Variants in SNX29 observed in about 807,000 individuals in gnomAD.
SNX29 encodes sorting nexin 29, also known as sorting nexin-29.
In SNX29, 78 loss-of-function variants were observed where a neutral mutation model predicts 102.1. The ratio of observed to expected loss-of-function variants is 0.76; its 90% CI spans 0.64 to 0.92. The LOEUF is 0.92. Among genes scored for constraint, SNX29 ranks in the 40% least tolerant of loss-of-function variants. The pLI, the probability that SNX29 is intolerant of heterozygous loss-of-function variation, is 0.00. For synonymous variants in SNX29, 580 were observed against 414.5 expected, an observed-to-expected ratio of 1.40 and a Z score of -4.85; for missense variants, 1,280 against 1,061.7, an observed-to-expected ratio of 1.21 and a Z score of -2.86.
chr16:12,062,377 A>T (rs530213068), intron 9 of SNX29, among the ~76,000 whole-genome samples: 20 of 137,704 alleles, frequency 1.5e-4, no homozygotes, highest in African/African-American at 5.1e-4. Flanking sequence ...ACTCTGTCTC[A>T]AAATAAATAA....
intron 19 of SNX29, among the ~76,000 whole-genome samples, chr16:12,520,342 A>G (rs1172798350): frequency 6.6e-6 from 1 of 152,234 alleles, no homozygotes; most frequent in Non-Finnish European, 1.5e-5. Flanking sequence ...CCTGGTGTAG[A>G]GGAACCCATG....
In SNX29 at chr16:12,570,029, G is replaced by A. The variant is rs1008340439; in HGVS notation, c.*1400G>A. On this transcript the variant is annotated 3_prime_UTR_variant, in exon 21 of 21. Transcript: ENST00000566228. Reference sequence around the variant, plus strand: ...AAATGAGAACTGCCCAGGTGAGCATGGAGCATCTCCTAGGCTCGAGGACAT... The same window carrying A: ...AAATGAGAACTGCCCAGGTGAGCATAGAGCATCTCCTAGGCTCGAGGACAT... 2.2e-5 allele frequency: 8 copies of A among 367,920 alleles called. No individual in the cohort carries two copies. The highest frequency in any genetic ancestry group is 6.3e-5 in the African/African-American group (3 of 47,660). 22.8% of individuals were successfully genotyped at this position (367,920 alleles called of 1,614,324 possible).
intron 20 of SNX29, among the ~76,000 whole-genome samples, chr16:12,537,470 A>G (rs1225827476): frequency 6.7e-6 from 1 of 148,946 alleles, no homozygotes; most frequent in Non-Finnish European, 1.5e-5. Flanking sequence ...CAGCATCCTC[A>G]TCTATAAAAT....
intron 18 of SNX29, among the ~76,000 whole-genome samples, chr16:12,459,138 C>T (rs2086665767): frequency 7.1e-6 from 1 of 141,148 alleles, no homozygotes; most frequent in Middle Eastern, 3.5e-3. Flanking sequence ...TCACTCCCCC[C>T]TCCTCCCCCT....
rs145802640 is a variant in SNX29 at position 12,060,581 on chromosome 16, C to T, written c.1125-947C>T. Among the ~76,000 whole-genome samples the T allele has an allele frequency of 2.7e-3, 405 of 152,310 alleles. 2 individuals are homozygous for T. The highest frequency in any genetic ancestry group is 9.2e-3 in the African/African-American group (381 of 41,572). On this transcript the variant is annotated intron_variant, in intron 8 of 20. Transcript: ENST00000566228. The stretch of plus-strand genomic sequence containing the variant: ...TTGTGCCACTGTACTCCAGTGTGGA[C>T]AACAGAGCAAGACTCCAACTCTAAA...
chr16:12,466,605 C>T (rs950067139), intron 18 of SNX29, among the ~76,000 whole-genome samples: 4 of 152,184 alleles, frequency 2.6e-5, no homozygotes, highest in African/African-American at 9.7e-5. Context: ...TTGTGTCCAC[C>T]ACTCCCTTGA....
chr16:12,432,363 G>C (rs547416401), intron 18 of SNX29, among the ~76,000 whole-genome samples: 1 of 152,346 alleles, frequency 6.6e-6, no homozygotes, highest in East Asian at 1.9e-4. Flanking sequence ...GGTCCAGGCT[G>C]TCACTGTAAA....
intron 20 of SNX29, among the ~76,000 whole-genome samples, chr16:12,536,944 C>G (rs567051108): frequency 3.9e-4 from 60 of 152,118 alleles, no homozygotes; most frequent in Non-Finnish European, 5.1e-4. Flanking sequence ...GCACTGCACT[C>G]CAGCCTAGGC....
intron 15 of SNX29, among the ~76,000 whole-genome samples, chr16:12,311,967 T>G (rs2080570536): frequency 6.6e-6 from 1 of 152,154 alleles, no homozygotes; most frequent in Non-Finnish European, 1.5e-5. Context: ...GGGCCCAGGT[T>G]TCTTCTGCTT....
At chr16:12,261,205 C>G (rs1366421624) in intron 14 of SNX29, among the ~76,000 whole-genome samples, 1 of 127,572 alleles carries the variant, frequency 7.8e-6, no homozygotes, top group Non-Finnish European at 1.6e-5. Context: ...TCTGTGCGTG[C>G]GTCCCTGGCT....
intron 16 of SNX29, among the ~76,000 whole-genome samples, chr16:12,395,814 C>G (rs549238532): frequency 1.1e-4 from 16 of 147,862 alleles, no homozygotes; most frequent in African/African-American, 3.2e-4. Flanking sequence ...AAAATAGAAT[C>G]AGCTCTCTAA....
At chr16:12,559,717 A>T (rs1194682920) in intron 20 of SNX29, among the ~76,000 whole-genome samples, 1 of 152,136 alleles carries the variant, frequency 6.6e-6, no homozygotes, top group Non-Finnish European at 1.5e-5. Flanking sequence ...CATGGTGAGA[A>T]CACCAAGAAA....
chr16:12,228,563 T>C (rs1596563818), intron 14 of SNX29, among the ~76,000 whole-genome samples: 1 of 152,238 alleles, frequency 6.6e-6, no homozygotes, highest in African/African-American at 2.4e-5. Context: ...TTAAAACCCT[T>C]CAGTGACTTC....
At chr16:12,091,775 CAAAAAAAA>C (rs71408236) in intron 11 of SNX29, among the ~76,000 whole-genome samples, 8 of 93,946 alleles carry the variant, frequency 8.5e-5, no homozygotes, top group Non-Finnish European at 1.7e-4. Context: ...AGATCCTTCT[CAAAAAAAA>C]AAAAAAAAAA....
At chr16:12,388,941 C>T (rs1212081108) in intron 16 of SNX29, among the ~76,000 whole-genome samples, 1 of 152,140 alleles carries the variant, frequency 6.6e-6, no homozygotes, top group Non-Finnish European at 1.5e-5. Flanking sequence ...GAGGATCAAC[C>T]CAGGTGTATC....
intron 18 of SNX29, among the ~76,000 whole-genome samples, chr16:12,432,751 C>G (rs1409038894): frequency 3.9e-5 from 6 of 152,152 alleles, no homozygotes; most frequent in Non-Finnish European, 8.8e-5. Flanking sequence ...AAAAAGTTGA[C>G]GAGAGGAGAG....
At chr16:12,361,874 C>T (rs75071264) in intron 16 of SNX29, among the ~76,000 whole-genome samples, 7,916 of 152,048 alleles carry the variant, frequency 0.052, 326 homozygotes, top group African/African-American at 0.11. Context: ...GATTTTCCTA[C>T]CTGGAATCTG....
intron 13 of SNX29, among the ~76,000 whole-genome samples, chr16:12,186,847 C>T (rs979808392): frequency 1.3e-5 from 2 of 152,192 alleles, no homozygotes; most frequent in Non-Finnish European, 2.9e-5. Context: ...TTTAATCCAT[C>T]TCCTTTTGGC....
At chr16:12,476,413 C>T (rs7198687) in intron 18 of SNX29, among the ~76,000 whole-genome samples, 1,424 of 19,058 alleles carry the variant, frequency 0.075, 56 homozygotes, top group Non-Finnish European at 0.11. Flanking sequence ...TATATATATA[C>T]ATATATATAT....
Sources: gnomAD v4.1 joint callset for allele counts (sites outside exome capture counted in the v4.1 genomes callset) on GRCh38, gnomAD v4.1.1 for gene constraint, MANE v1.5 for transcripts, NCBI Gene and HGNC (gene_info 2026-07-23, HGNC 2026-07-21) for gene names.